ARL15: variants seen among roughly 807,000 people sequenced by gnomAD.
ARL15 encodes ARF like GTPase 15.
A neutral mutation model predicts 25.2 loss-of-function variants in ARL15; 19 were observed. The ratio of observed to expected loss-of-function variants is 0.75; its 90% CI spans 0.53 to 1.10. The LOEUF (loss-of-function observed/expected upper bound fraction) is 1.10, where lower values mean the gene tolerates loss of function less well. Ranked by LOEUF, ARL15 falls within the 50% of genes least tolerant of loss-of-function variation. ARL15 has a pLI of 0.00. For missense variants in ARL15, 220 were observed against 246.0 expected, an observed-to-expected ratio of 0.89 and a Z score of 0.71; for synonymous variants, 94 against 86.8, an observed-to-expected ratio of 1.08 and a Z score of -0.46.
At chr5:54,028,431 T>C (rs1203742355) in intron 4 of ARL15, among the ~76,000 whole-genome samples, 3 of 151,902 alleles carry the variant, frequency 2.0e-5, no homozygotes. Context: ...AAATTTTCTC[T>C]TTTCCCATTC....
At chr5:54,103,227 A>G (rs1167670293) in intron 4 of ARL15, among the ~76,000 whole-genome samples, 1 of 152,176 alleles carries the variant, frequency 6.6e-6, no homozygotes, top group East Asian at 1.9e-4. Context: ...CTACTAAAGA[A>G]AGTAATTACC....
chr5:54,208,144 T>C (rs774524022), intron 1 of ARL15, among the ~76,000 whole-genome samples: 66 of 152,228 alleles, frequency 4.3e-4, no homozygotes, highest in Non-Finnish European at 8.4e-4. Flanking sequence ...CCTAAAGATA[T>C]GTTATTGGGA....
intron 4 of ARL15, among the ~76,000 whole-genome samples, chr5:54,074,443 G>C (rs550218739): frequency 1.3e-5 from 2 of 152,108 alleles, no homozygotes; most frequent in African/African-American, 4.8e-5. Flanking sequence ...AAATCCAAGA[G>C]TAAGCTAATA....
chr5:53,931,161 C>A (rs1278663255), intron 4 of ARL15, among the ~76,000 whole-genome samples: 1 of 152,022 alleles, frequency 6.6e-6, no homozygotes, highest in Non-Finnish European at 1.5e-5. Context: ...ATGCTATTAG[C>A]AAACAGCATA....
At chr5:54,050,990 T>C (rs763206613) in intron 4 of ARL15, among the ~76,000 whole-genome samples, 1 of 152,230 alleles carries the variant, frequency 6.6e-6, no homozygotes, top group African/African-American at 2.4e-5. Context: ...AGTTTGATGA[T>C]ACCGTAAAGG....
chr5:54,023,103 C>T (rs891501660), intron 4 of ARL15, among the ~76,000 whole-genome samples: 8 of 151,766 alleles, frequency 5.3e-5, no homozygotes, highest in Non-Finnish European at 2.9e-5. Context: ...TCTGAACAAC[C>T]GAAAGAAACT....
chr5:54,033,303 A>C (rs961998564), intron 4 of ARL15, among the ~76,000 whole-genome samples: 5 of 151,742 alleles, frequency 3.3e-5, no homozygotes, highest in Non-Finnish European at 7.4e-5. Flanking sequence ...ACAGAGCAAG[A>C]CTCCGTCTCA....
intron 1 of ARL15, among the ~76,000 whole-genome samples, chr5:54,266,160 C>T (rs1024320658): frequency 1.3e-5 from 2 of 152,220 alleles, no homozygotes; most frequent in African/African-American, 4.8e-5. Flanking sequence ...AGCACCTTCA[C>T]TAGTCCCAGA....
chr5:54,181,365 T>C (rs1358053631), intron 1 of ARL15, among the ~76,000 whole-genome samples: 1 of 152,228 alleles, frequency 6.6e-6, no homozygotes, highest in Non-Finnish European at 1.5e-5. Flanking sequence ...TTATATGCCA[T>C]ATTCATAAAC....
In ARL15 at chr5:54,027,969, T is replaced by C. The variant is rs997526336; in HGVS notation, c.462+85233A>G. On this transcript the variant is annotated intron_variant, in intron 4 of 4. Transcript: ENST00000504924. ...TCTTGTTTTGTCACCCAGGCTGGAG[T>C]GCAGAGGCGTGATCGTGGCTCACTG... is the stretch of plus-strand genomic sequence containing the variant. Among the ~76,000 whole-genome samples the C allele has an allele frequency of 5.9e-5, 9 of 152,020 alleles. No individual in the cohort carries two copies. The South Asian group carries it at 1.9e-3, about 32-fold the overall frequency.
At chr5:54,083,972 C>G (rs1428833861) in intron 4 of ARL15, among the ~76,000 whole-genome samples, 2 of 152,128 alleles carry the variant, frequency 1.3e-5, no homozygotes, top group African/African-American at 4.8e-5. Flanking sequence ...ACTGAATGAT[C>G]TATATGGGGG....
chr5:53,986,058 C>T (rs1748287847), intron 4 of ARL15, among the ~76,000 whole-genome samples: 1 of 152,140 alleles, frequency 6.6e-6, no homozygotes, highest in Admixed American at 6.5e-5. Context: ...AACACATGTC[C>T]ACATCCAATT....
chr5:53,990,636 C>T (rs531298272), intron 4 of ARL15, among the ~76,000 whole-genome samples: 1 of 152,206 alleles, frequency 6.6e-6, no homozygotes, highest in East Asian at 1.9e-4. Context: ...CACACAGATC[C>T]ATGGGAAAGC....
At chr5:54,009,294 T>C (rs192985464) in intron 4 of ARL15, among the ~76,000 whole-genome samples, 2 of 152,202 alleles carry the variant, frequency 1.3e-5, no homozygotes, top group African/African-American at 4.8e-5. Flanking sequence ...CTTAGCAAAG[T>C]GTGTTGCCCT....
chr5:54,238,339 C>G (rs1041093796), intron 1 of ARL15, among the ~76,000 whole-genome samples: 1 of 152,138 alleles, frequency 6.6e-6, no homozygotes, highest in Admixed American at 6.5e-5. Context: ...ACTCTTTAGC[C>G]TAAACCTGGC....
At chr5:53,968,383 G>A (rs1024025287) in intron 4 of ARL15, among the ~76,000 whole-genome samples, 3 of 152,076 alleles carry the variant, frequency 2.0e-5, no homozygotes, top group Non-Finnish European at 2.9e-5. Flanking sequence ...ATTCGTGGGA[G>A]GATGAGGCCA....
chr5:54,175,462 G>A (rs188561303), intron 1 of ARL15, among the ~76,000 whole-genome samples: 21 of 151,974 alleles, frequency 1.4e-4, no homozygotes, highest in African/African-American at 5.1e-4. Flanking sequence ...GGCTTCCTGA[G>A]TAGCTGGGAT....
chr5:54,179,613 C>G (rs573699806), intron 1 of ARL15, among the ~76,000 whole-genome samples: 2 of 152,148 alleles, frequency 1.3e-5, no homozygotes, highest in East Asian at 3.9e-4. Context: ...AGGAGATTGA[C>G]TGGGATGGAA....
chr5:54,015,656 T>C (rs1274851022), intron 4 of ARL15, among the ~76,000 whole-genome samples: 3 of 152,182 alleles, frequency 2.0e-5, no homozygotes, highest in Non-Finnish European at 4.4e-5. Flanking sequence ...GTCCCTTAAT[T>C]ATGTCAATAA....
Sources: allele counts gnomAD v4.1 joint callset (sites outside exome capture counted in the v4.1 genomes callset), GRCh38; gene constraint gnomAD v4.1.1; transcripts MANE v1.5; gene names NCBI Gene and HGNC (gene_info 2026-07-23, HGNC 2026-07-21).